ENTPD4: variants seen among roughly 807,000 people sequenced by gnomAD.
The protein encoded by ENTPD4 is Golgi UDPase.
A neutral mutation model predicts 79.1 loss-of-function variants in ENTPD4; 60 were observed. The observed-to-expected ratio is 0.76, with a 90% CI of 0.62 to 0.94. The LOEUF (loss-of-function observed/expected upper bound fraction) is 0.94, where lower values mean the gene tolerates loss of function less well. Among genes scored for constraint, ENTPD4 ranks in the 40% least tolerant of loss-of-function variants. The pLI, the probability that ENTPD4 is intolerant of heterozygous loss-of-function variation, is 0.00. For synonymous variants in ENTPD4, 276 were observed against 292.0 expected (o/e 0.95, Z 0.56); for missense variants, 772 against 775.1 (o/e 1.00, Z 0.05).
intron 6 of ENTPD4, 42 bp downstream of exon 6, chr8:23,443,808 G>C: frequency 8.1e-7 from 1 of 1,236,858 alleles, no homozygotes; most frequent in South Asian, 1.2e-5. Context: ...GGATTTAAAG[G>C]AACAGCTTCC....
chr8:23,439,913 T>C lies in ENTPD4; in HGVS notation c.885A>G (p.Glu295=). The stretch of plus-strand genomic sequence containing the variant: ...CAGCTAACAAGTTTTTAGCTACTTC[T>C]TCCTGCAGACATAAGCATAACAAAC... The part of the protein sequence containing the change: ...KTVSFASSQQ[E]EVAKNLLAEF... The change falls in exon 9 of 13, where the codon GAA becomes GAG. Residue 295 remains glutamate (E), a splice_region_variant and synonymous_variant. Transcript: ENST00000358689. The C allele has an allele frequency of 6.2e-7, 1 of 1,613,820 alleles. No homozygotes were observed. Among genetic ancestry groups the C allele is most frequent in the Non-Finnish European group, 8.5e-7 (1 of 1,179,642 alleles).
rs76532714 is a variant in ENTPD4 at position 23,445,148 on chromosome 8, G to C, written c.413-542C>G. Among the ~76,000 whole-genome samples the C allele has an allele frequency of 4.8e-3, 735 of 152,280 alleles. 26 individuals are homozygous for C. Among genetic ancestry groups the C allele is most frequent in the Admixed American group, 0.044 (668 of 15,302 alleles). On this transcript the variant is annotated intron_variant, in intron 4 of 12. Coordinates refer to ENST00000358689, the MANE Select transcript of ENTPD4 (RefSeq NM_004901.5). Reference sequence around the variant, plus strand: ...CGAGGCCATCAGCGCTGGGCACCCAGCAGCCCAAGCCAGGGTCTTAGATGA... The same window carrying C: ...CGAGGCCATCAGCGCTGGGCACCCACCAGCCCAAGCCAGGGTCTTAGATGA...
chr8:23,433,701 A>C (rs1166151084), intron 12 of ENTPD4, among the ~76,000 whole-genome samples: 1 of 152,240 alleles, frequency 6.6e-6, no homozygotes, highest in Non-Finnish European at 1.5e-5. Context: ...GAATGCAGAC[A>C]ACAAACTATC....
intron 6 of ENTPD4, 93 bp from the exon 7 acceptor site, chr8:23,442,159 T>C (rs1421677473): frequency 1.2e-6 from 1 of 813,846 alleles, no homozygotes; most frequent in Non-Finnish European, 2.1e-6. Context: ...TCTCACTTAT[T>C]TCACTCCCTG....
rs1800453018 is a variant in ENTPD4 at position 23,431,507 on chromosome 8, A to C, written c.*1419T>G. 2.0e-6 allele frequency: 2 copies of C among 985,430 alleles called. No homozygotes were observed. The highest frequency in any genetic ancestry group is 1.2e-6 in the Non-Finnish European group (1 of 829,932). The allele number at this position is 985,430 out of a possible 1,614,324, so 61.0% of individuals were successfully genotyped here. On this transcript the variant is annotated 3_prime_UTR_variant, in exon 13 of 13. Transcript: ENST00000358689. Reference sequence around the variant, plus strand: ...AATTGTCCTTTTTAGATTTTGGCTTAAATTGTCGAATTTTTTCCTTCAAAA... The same window carrying C: ...AATTGTCCTTTTTAGATTTTGGCTTCAATTGTCGAATTTTTTCCTTCAAAA...
At chr8:23,442,543 G>C (rs1282486800) in intron 6 of ENTPD4, among the ~76,000 whole-genome samples, 1 of 152,078 alleles carries the variant, frequency 6.6e-6, no homozygotes, top group African/African-American at 2.4e-5. Flanking sequence ...AATTAGTTGG[G>C]CATGGTGGCG....
chr8:23,436,530 G>T (rs766208602), intron 10 of ENTPD4, among the ~76,000 whole-genome samples: 2 of 152,104 alleles, frequency 1.3e-5, no homozygotes, highest in Non-Finnish European at 2.9e-5. Flanking sequence ...TGAAGATCAG[G>T]GGCCAAGTGT....
intron 1 of ENTPD4, among the ~76,000 whole-genome samples, chr8:23,450,343 A>G (rs1800837790): frequency 6.6e-6 from 1 of 152,194 alleles, no homozygotes; most frequent in African/African-American, 2.4e-5. Flanking sequence ...CTGAATGTGA[A>G]CCTGAAATAT....
rs117818988 is a variant in ENTPD4, at chr8:23,452,158, G to A, written c.-97-2161C>T. Among the ~76,000 whole-genome samples the A allele has an allele frequency of 3.7e-3, 564 of 152,310 alleles. 2 individuals are homozygous for A. The highest frequency in any genetic ancestry group is 5.7e-3 in the Non-Finnish European group (385 of 68,034). On this transcript the variant is annotated intron_variant, in intron 1 of 12. Transcript: ENST00000358689. ...CCATCCTTGTCCTCTAACATAATGCGTGTCTTGTGTTTCTCTTTTTTGTCT... is the reference window on the plus strand; with the variant it reads ...CCATCCTTGTCCTCTAACATAATGCATGTCTTGTGTTTCTCTTTTTTGTCT...
At chr8:23,443,487 T>G (rs1307159179) in intron 6 of ENTPD4, among the ~76,000 whole-genome samples, 1 of 152,226 alleles carries the variant, frequency 6.6e-6, no homozygotes, top group Non-Finnish European at 1.5e-5. Flanking sequence ...GAACAAAGAT[T>G]TGATATTTCT....
Position 23,434,367 on chromosome 8 carries a change from A to ATCC in ENTPD4, c.1571_1572insGGA (p.Val524_Gln525insAsp), listed in dbSNP as rs1800516969. 3.1e-6 allele frequency: 5 copies of ATCC among 1,614,108 alleles called. No individual in the cohort carries two copies. The highest frequency in any genetic ancestry group is 4.2e-6 in the Non-Finnish European group (5 of 1,180,046). On this transcript the variant is annotated inframe_insertion, in exon 12 of 13. Coordinates refer to ENST00000358689, the MANE Select transcript of ENTPD4 (RefSeq NM_004901.5). ...AGAGGATGGCTCCAAGGGTCCACTG[A>ATCC]ACCTCCTTGTCGTAAACTTGCAAGG... is the stretch of plus-strand genomic sequence containing the variant.
chr8:23,441,415 C>T (rs1489977065), intron 8 of ENTPD4, 154 bp downstream of exon 8: 1 of 985,252 alleles, frequency 1.0e-6, no homozygotes, highest in Non-Finnish European at 1.2e-6. Context: ...TGAGGTCTGC[C>T]TTGTTCGTCC....
chr8:23,450,972 GTGTGATCCCTCTTCCTTCATCTTCCAAA>G (rs1800849595), intron 1 of ENTPD4, among the ~76,000 whole-genome samples: 1 of 151,360 alleles, frequency 6.6e-6, no homozygotes, highest in Admixed American at 6.6e-5. Flanking sequence ...CCAGATTCAC[GTGTGATCCCTCTTCCTTCATCTTCCAAA>G]TGTAATTTCT....
chr8:23,439,577 A>C (rs1800631391), intron 9 of ENTPD4, among the ~76,000 whole-genome samples, 172 bp downstream of exon 9: 1 of 152,230 alleles, frequency 6.6e-6, no homozygotes, highest in African/African-American at 2.4e-5. Context: ...GGCCAAAGGC[A>C]GGACCCTGGT....
rs1800804621 is a variant in ENTPD4, at chr8:23,448,714, C to G, written c.206+28G>C. 2.5e-6 allele frequency: 4 copies of G among 1,595,302 alleles called. No individual in the cohort carries two copies. In the East Asian group the frequency reaches 6.7e-5, roughly 27 times the overall value. ...TAAGACAGAAGGTAAGGCTTCTGGT[C>G]TAGAAAGCAAATGTTTTTATCTCTT... On this transcript the variant is annotated intron_variant, in intron 3 of 12. Transcript: ENST00000358689.
In ENTPD4 at chr8:23,436,655, C is replaced by T. The variant is rs79395974; in HGVS notation, c.1374+279G>A. 2.2e-3 allele frequency among the ~76,000 whole-genome samples: 339 copies of T among 152,246 alleles called. 2 individuals are homozygous for T. Among genetic ancestry groups the T allele is most frequent in the African/African-American group, 7.4e-3 (306 of 41,544 alleles). ...AGGCTAGTAGGAGAATTGTCACATG[C>T]AGCAAAGCACAAAAATGACATAAAA... On this transcript the variant is annotated intron_variant, in intron 10 of 12. Coordinates refer to ENST00000358689, the MANE Select transcript of ENTPD4 (RefSeq NM_004901.5).
chr8:23,442,512 C>G (rs561121631), intron 6 of ENTPD4, among the ~76,000 whole-genome samples: 2 of 152,056 alleles, frequency 1.3e-5, no homozygotes, highest in East Asian at 3.9e-4. Context: ...GGTGAAACCC[C>G]GTCTCTACTA....
chr8:23,442,798 G>C (rs1800697158), intron 6 of ENTPD4, among the ~76,000 whole-genome samples: 1 of 152,034 alleles, frequency 6.6e-6, no homozygotes, highest in Admixed American at 6.5e-5. Context: ...TGTCACCTTG[G>C]GTAGTCCATC....
chr8:23,451,561 A>T (rs2117306329), intron 1 of ENTPD4, among the ~76,000 whole-genome samples: 1 of 152,228 alleles, frequency 6.6e-6, no homozygotes, highest in Middle Eastern at 3.4e-3. Flanking sequence ...CCCCGATCAG[A>T]TTACTTCTGT....
Sources: gnomAD v4.1 joint callset for allele counts (sites outside exome capture counted in the v4.1 genomes callset) on GRCh38, gnomAD v4.1.1 for gene constraint, MANE v1.5 for transcripts, NCBI Gene and HGNC (gene_info 2026-07-23, HGNC 2026-07-21) for gene names.